The following SNX14 variants were observed in gnomAD, a reference collection of about 807,000 sequenced individuals.
SNX14 encodes sorting nexin-14.
In SNX14, 93 loss-of-function variants were observed where a neutral mutation model predicts 133.8. The observed-to-expected ratio is 0.70, with a 90% CI of 0.59 to 0.83. SNX14 has a LOEUF of 0.83. Among genes scored for constraint, SNX14 ranks in the 40% least tolerant of loss-of-function variants. The probability of loss-of-function intolerance (pLI) is 0.00; values close to 1 mark genes in which losing one functional copy is unlikely to be tolerated. For synonymous variants in SNX14, 368 were observed against 365.6 expected, an observed-to-expected ratio of 1.01 and a Z score of -0.07; for missense variants, 945 against 1,094.9, an observed-to-expected ratio of 0.86 and a Z score of 1.93.
chr6:85,547,747 A>G (rs1786193661), intron 9 of SNX14, among the ~76,000 whole-genome samples, 197 bp from the exon 10 acceptor site: 1 of 152,206 alleles, frequency 6.6e-6, no homozygotes, highest in Admixed American at 6.5e-5. Flanking sequence ...CTTTGTGAAA[A>G]TGGGCAAATA....
chr6:85,530,298 C>G (rs1363050328), intron 18 of SNX14, 23 bp from the exon 19 acceptor site: 1 of 1,397,382 alleles, frequency 7.2e-7, no homozygotes, highest in East Asian at 2.4e-5. Context: ...TACACACACA[C>G]TGAGTAACAA....
chr6:85,570,170 G>C (rs1795101686), intron 4 of SNX14, among the ~76,000 whole-genome samples: 1 of 152,180 alleles, frequency 6.6e-6, no homozygotes, highest in Admixed American at 6.5e-5. Context: ...GTTCCTGGTA[G>C]AAAGGGACCA....
At chr6:85,507,870 T>C in intron 27 of SNX14, 98 bp downstream of exon 27, 1 of 796,994 alleles carries the variant, frequency 1.3e-6, no homozygotes, top group Admixed American at 2.8e-5. Flanking sequence ...CTTGGTTTAG[T>C]ATAGTGTCAT....
At chr6:85,589,954 A>G (rs1377520937) in intron 1 of SNX14, among the ~76,000 whole-genome samples, 1 of 152,198 alleles carries the variant, frequency 6.6e-6, no homozygotes, top group Non-Finnish European at 1.5e-5. Context: ...CCCTGGATTT[A>G]GAGGCTGAAT....
At chr6:85,573,747 T>G (rs1181082879) in intron 2 of SNX14, among the ~76,000 whole-genome samples, 1 of 152,194 alleles carries the variant, frequency 6.6e-6, no homozygotes, top group African/African-American at 2.4e-5. Context: ...CAAGTACTGA[T>G]TACAAGGCTC....
chr6:85,590,885 C>T (rs1229237284), intron 1 of SNX14, among the ~76,000 whole-genome samples: 1 of 152,182 alleles, frequency 6.6e-6, no homozygotes, highest in Non-Finnish European at 1.5e-5. Flanking sequence ...ATGGTCCTTA[C>T]ACTCAATTTA....
At chr6:85,520,463 T>C (rs1339182525) in intron 21 of SNX14, among the ~76,000 whole-genome samples, 1 of 151,922 alleles carries the variant, frequency 6.6e-6, no homozygotes, top group African/African-American at 2.4e-5. Context: ...GTTCAAGCAA[T>C]TCTCCTGCCT....
chr6:85,549,068 TATA>T (rs1786844577), intron 8 of SNX14, among the ~76,000 whole-genome samples: 1 of 151,876 alleles, frequency 6.6e-6, no homozygotes, highest in Admixed American at 6.6e-5. Context: ...GTAATTACCT[TATA>T]ATCATATTTA....
rs1782114233 is a variant in SNX14, at chr6:85,536,824, T to C, written c.1576A>G (p.Asn526Asp). 2 of 1,612,914 alleles carry C rather than the reference T, an allele frequency of 1.2e-6. No individual in the cohort carries two copies. The highest frequency in any genetic ancestry group is 1.7e-5 in the Admixed American group (1 of 59,842). ...STTMEGAMLP[N>D]YGVAEGEDDF... is the part of the protein sequence containing the mutation. Reference sequence around the variant, plus strand: ...TCTTCACCTTCAGCTACACCATAATTAGGCAACATAGCTCCCTCCATTGTG... The same window carrying C: ...TCTTCACCTTCAGCTACACCATAATCAGGCAACATAGCTCCCTCCATTGTG... The change falls in exon 17 of 29, where the codon AAT becomes GAT. Residue 526 changes from asparagine (N) to aspartate (D), a missense_variant. This residue lies in a region of SNX14 where 412 missense variants were observed against 516.6 expected (regional missense o/e 0.80). Coordinates refer to ENST00000314673, the MANE Select transcript of SNX14 (RefSeq NM_153816.6).
intron 24 of SNX14, 126 bp downstream of exon 24, chr6:85,514,380 G>T (rs929390844): frequency 1.7e-4 from 244 of 1,423,408 alleles, no homozygotes; most frequent in Non-Finnish European, 2.1e-4. Context: ...CAATCGTATT[G>T]AATTATTATA....
intron 17 of SNX14, among the ~76,000 whole-genome samples, chr6:85,534,831 G>GT (rs371318721): frequency 0.39 from 54,486 of 140,942 alleles, 10,752 homozygotes; most frequent in East Asian, 0.6. Flanking sequence ...AAAAGGGAAA[G>GT]TTTTTTTTTT....
At chr6:85,569,376 G>A (rs1794890350) in intron 4 of SNX14, among the ~76,000 whole-genome samples, 1 of 152,112 alleles carries the variant, frequency 6.6e-6, no homozygotes, top group South Asian at 2.1e-4. Context: ...ACATACATTT[G>A]ACCACATCAT....
chr6:85,574,119 C>CAAAAA, intron 2 of SNX14, 139 bp downstream of exon 2: 1 of 421,180 alleles, frequency 2.4e-6, no homozygotes, highest in East Asian at 4.3e-5. Context: ...CTAAAAAAAA[C>CAAAAA]AAAAAAAAAA....
At chr6:85,541,149 C>T (rs1021181119) in intron 15 of SNX14, among the ~76,000 whole-genome samples, 4 of 152,114 alleles carry the variant, frequency 2.6e-5, no homozygotes, top group African/African-American at 4.8e-5. Flanking sequence ...TGTGCCACCA[C>T]GCCCAGCTAA....
intron 7 of SNX14, among the ~76,000 whole-genome samples, chr6:85,556,109 G>A (rs897546679): frequency 6.6e-6 from 1 of 152,120 alleles, no homozygotes; most frequent in African/African-American, 2.4e-5. Flanking sequence ...TTAATACTAG[G>A]AAAAGGTGAG....
intron 7 of SNX14, among the ~76,000 whole-genome samples, chr6:85,553,943 A>C (rs1192841513): frequency 6.6e-6 from 1 of 152,226 alleles, no homozygotes; most frequent in Non-Finnish European, 1.5e-5. Flanking sequence ...CACCTGTCAG[A>C]CATAAGGGAT....
chr6:85,518,320 G>C (rs926284259), intron 21 of SNX14, among the ~76,000 whole-genome samples: 1 of 151,252 alleles, frequency 6.6e-6, no homozygotes, highest in African/African-American at 2.4e-5. Flanking sequence ...TGATAACAAC[G>C]TTGAGTAAGA....
At chr6:85,563,682 C>T (rs148539681) in intron 6 of SNX14, among the ~76,000 whole-genome samples, 1 of 152,038 alleles carries the variant, frequency 6.6e-6, no homozygotes, top group South Asian at 2.1e-4. Context: ...CGTGAGCCAC[C>T]GCGCCTGGCT....
At chr6:85,533,999 T>C (rs1041776655) in intron 17 of SNX14, among the ~76,000 whole-genome samples, 199 bp from the exon 18 acceptor site, 1 of 152,118 alleles carries the variant, frequency 6.6e-6, no homozygotes, top group African/African-American at 2.4e-5. Context: ...CAACTCCAAG[T>C]TTTCTTACAT....
Sources: allele counts gnomAD v4.1 joint callset (sites outside exome capture counted in the v4.1 genomes callset), GRCh38; gene constraint gnomAD v4.1.1; regional missense constraint gnomAD v4.1.1; transcripts MANE v1.5; gene names NCBI Gene and HGNC (gene_info 2026-07-23, HGNC 2026-07-21).